UGT2A3: variants seen among roughly 807,000 people sequenced by gnomAD.
UGT2A3 encodes UDP glucuronosyltransferase family 2 member A3.
A neutral mutation model predicts 44.1 loss-of-function variants in UGT2A3; 55 were observed. That is an observed-to-expected ratio of 1.25 (90% CI 1.00 to 1.56). UGT2A3 has a LOEUF of 1.56. Among genes scored for constraint, UGT2A3 ranks in the 40% most tolerant of loss-of-function variants. The pLI is 0.00. For synonymous variants in UGT2A3, 243 were observed against 215.1 expected (o/e 1.13, Z -1.13); for missense variants, 733 against 621.6 (o/e 1.18, Z -1.91).
intron 2 of UGT2A3, among the ~76,000 whole-genome samples, chr4:68,935,466 G>A (rs1046195382): frequency 1.6e-4 from 24 of 151,498 alleles, no homozygotes; most frequent in African/African-American, 5.3e-4. Context: ...GAAGCTGAGG[G>A]ACCTGGGTGT....
At chr4:68,934,797 G>T (rs1313440422) in intron 2 of UGT2A3, among the ~76,000 whole-genome samples, 1 of 151,828 alleles carries the variant, frequency 6.6e-6, no homozygotes, top group African/African-American at 2.4e-5. Flanking sequence ...TTAAACTCAG[G>T]AGTTTGGGTT....
At chr4:68,933,132 C>A (rs997846808) in intron 2 of UGT2A3, among the ~76,000 whole-genome samples, 1 of 151,936 alleles carries the variant, frequency 6.6e-6, no homozygotes, top group African/African-American at 2.4e-5. Flanking sequence ...GAATAGAAGA[C>A]CTCCAGCATC....
At chr4:68,932,172 T>C (rs1370877196) in intron 3 of UGT2A3, among the ~76,000 whole-genome samples, 3 of 151,910 alleles carry the variant, frequency 2.0e-5, no homozygotes, top group Non-Finnish European at 4.4e-5. Flanking sequence ...TTCTAATTAT[T>C]TAGAAAGACT....
chr4:68,944,194 G>T (rs527992977), intron 2 of UGT2A3, among the ~76,000 whole-genome samples: 1 of 151,792 alleles, frequency 6.6e-6, no homozygotes, highest in Non-Finnish European at 1.5e-5. Flanking sequence ...CTATAATGTG[G>T]TTACCTTTGT....
intron 2 of UGT2A3, among the ~76,000 whole-genome samples, chr4:68,941,288 T>C (rs1718177194): frequency 6.6e-6 from 1 of 151,846 alleles, no homozygotes; most frequent in Non-Finnish European, 1.5e-5. Context: ...CTATTTGATA[T>C]ATAAATTTGC....
chr4:68,933,602 G>A (rs1291559810), intron 2 of UGT2A3, among the ~76,000 whole-genome samples: 3 of 152,044 alleles, frequency 2.0e-5, no homozygotes, highest in Non-Finnish European at 2.9e-5. Flanking sequence ...CAGCACTACA[G>A]TAGTACAGGA....
At chr4:68,941,403 T>C (rs1056459099) in intron 2 of UGT2A3, among the ~76,000 whole-genome samples, 11 of 151,916 alleles carry the variant, frequency 7.2e-5, no homozygotes. Flanking sequence ...GGCAACCTCT[T>C]CACTAAATGG....
intron 2 of UGT2A3, among the ~76,000 whole-genome samples, chr4:68,941,998 C>A: frequency 6.6e-6 from 1 of 151,656 alleles, no homozygotes; most frequent in Admixed American, 6.6e-5. Context: ...AGAAAGTATG[C>A]AGAGAAAGAA....
chr4:68,935,080 T>G (rs941877605), intron 2 of UGT2A3, among the ~76,000 whole-genome samples: 14 of 150,890 alleles, frequency 9.3e-5, no homozygotes, highest in African/African-American at 3.4e-4. Context: ...AGTAATAAAG[T>G]CTCATTAAAA....
Position 68,951,338 on chromosome 4 carries a change from G to A in UGT2A3, c.423C>T (p.Thr141=). 1 of 1,612,578 alleles carries A rather than the reference G, an allele frequency of 6.2e-7. No homozygotes were observed. Among genetic ancestry groups the A allele is most frequent in the Non-Finnish European group, 8.5e-7 (1 of 1,179,192 alleles). ...NQTLMKKLQE[T]NYDVMLIDPV... is the part of the protein sequence containing the mutation. Reference sequence around the variant, plus strand: ...GGTCTATAAGCATTACATCGTAGTTGGTTTCCTGTAGCTTCTTCATAAGCG... The same window carrying A: ...GGTCTATAAGCATTACATCGTAGTTAGTTTCCTGTAGCTTCTTCATAAGCG... The change falls in exon 1 of 6, where the codon ACC becomes ACT. Residue 141 remains threonine, a synonymous_variant. Transcript: ENST00000251566.
At chr4:68,932,476 A>C in intron 3 of UGT2A3, 152 bp downstream of exon 3, 1 of 614,020 alleles carries the variant, frequency 1.6e-6, no homozygotes, top group Non-Finnish European at 2.6e-6. Flanking sequence ...CTCAGTAGGC[A>C]AATGATCAGT....
At chr4:68,945,765 A>G (rs1225471721) in intron 1 of UGT2A3, among the ~76,000 whole-genome samples, 1 of 151,450 alleles carries the variant, frequency 6.6e-6, no homozygotes, top group Non-Finnish European at 1.5e-5. Context: ...GGAGCAAAGG[A>G]CAGATGGTTA....
intron 1 of UGT2A3, among the ~76,000 whole-genome samples, chr4:68,949,864 A>G (rs1718515722): frequency 6.6e-6 from 1 of 151,890 alleles, no homozygotes; most frequent in Non-Finnish European, 1.5e-5. Context: ...TAATAAATAT[A>G]GTTATTAAAT....
intron 2 of UGT2A3, chr4:68,943,215 G>T: frequency 1.7e-6 from 1 of 584,648 alleles, no homozygotes; most frequent in Non-Finnish European, 2.6e-6. Flanking sequence ...GTTTGTGTGT[G>T]TGTGTTTGTG....
chr4:68,945,425 C>T lies in UGT2A3; in HGVS notation c.745G>A (p.Gly249Arg). The change falls in exon 2 of 6, where the codon GGA becomes AGA. Residue 249 changes from glycine (G) to arginine (R), a missense_variant. Transcript: ENST00000251566. ...CGTATTAGCCATATCTCAGCTTTTC[C>T]CACAGTCTCACATAATGTAGTGGGC... The part of the protein sequence containing the change: ...GRPTTLCETV[G>R]KAEIWLIRTY... 6.2e-7 allele frequency: 1 copy of T among 1,610,710 alleles called. No individual in the cohort carries two copies. The highest frequency in any genetic ancestry group is 8.5e-7 in the Non-Finnish European group (1 of 1,178,090).
chr4:68,935,284 A>ATG, intron 2 of UGT2A3, among the ~76,000 whole-genome samples: 1 of 73,646 alleles, frequency 1.4e-5, no homozygotes, highest in East Asian at 3.8e-4. Flanking sequence ...ATGTATATAT[A>ATG]TATATATATA....
chr4:68,938,325 G>A (rs1718034105), intron 2 of UGT2A3, among the ~76,000 whole-genome samples: 1 of 152,010 alleles, frequency 6.6e-6, no homozygotes, highest in African/African-American at 2.4e-5. Flanking sequence ...CTGGCAAACC[G>A]AATCCAGCTG....
intron 2 of UGT2A3, among the ~76,000 whole-genome samples, chr4:68,937,289 T>C (rs966826850): frequency 3.3e-5 from 5 of 152,112 alleles, no homozygotes; most frequent in African/African-American, 9.7e-5. Flanking sequence ...ATCATACTTA[T>C]TCTAAAATTG....
chr4:68,934,340 C>T (rs1456783777), intron 2 of UGT2A3, among the ~76,000 whole-genome samples: 1 of 151,844 alleles, frequency 6.6e-6, no homozygotes, highest in East Asian at 1.9e-4. Flanking sequence ...TTTATGATAA[C>T]ATCTCAAGGA....
Sources: gnomAD v4.1 joint callset for allele counts (sites outside exome capture counted in the v4.1 genomes callset) on GRCh38, gnomAD v4.1.1 for gene constraint, MANE v1.5 for transcripts, NCBI Gene and HGNC (gene_info 2026-07-23, HGNC 2026-07-21) for gene names.